The following TSGA10 variants were observed in gnomAD, a reference collection of about 807,000 sequenced individuals.
TSGA10 encodes the protein testis specific 10.
In TSGA10, 43 loss-of-function variants were observed where a neutral mutation model predicts 96.6. That is an observed-to-expected ratio of 0.44 (90% CI 0.35 to 0.57). The LOEUF is 0.57. TSGA10 is among the 20% of genes least tolerant of loss of function. TSGA10 has a pLI of 0.01. For synonymous variants in TSGA10, 229 were observed against 269.9 expected (o/e 0.85, Z 1.48); for missense variants, 703 against 834.4 (o/e 0.84, Z 1.94).
intron 4 of TSGA10, among the ~76,000 whole-genome samples, chr2:99,116,691 G>GA (rs994678800): frequency 1.6e-4 from 23 of 145,450 alleles, no homozygotes; most frequent in African/African-American, 4.8e-4. Context: ...ACATCAGTAA[G>GA]AAAAAAAAAA....
At chr2:99,118,503 G>T in intron 3 of TSGA10, 48 bp downstream of exon 3, 3 of 695,514 alleles carry the variant, frequency 4.3e-6, no homozygotes, top group Non-Finnish European at 5.3e-6. Context: ...ATATATATGT[G>T]TATTATTAAC....
At chr2:99,068,825 A>C (rs1228759507) in intron 15 of TSGA10, 63 bp downstream of exon 15, 1 of 779,048 alleles carries the variant, frequency 1.3e-6, no homozygotes, top group East Asian at 3.0e-5. Flanking sequence ...GAGTATACCA[A>C]CTTCTAAATT....
chr2:99,106,560 A>C (rs959536878), intron 7 of TSGA10, among the ~76,000 whole-genome samples: 1 of 152,110 alleles, frequency 6.6e-6, no homozygotes, highest in Non-Finnish European at 1.5e-5. Context: ...CATTAAAAAA[A>C]AAAAGTCCCA....
At chr2:99,143,970 T>A (rs1244429483) in intron 1 of TSGA10, among the ~76,000 whole-genome samples, 1 of 152,224 alleles carries the variant, frequency 6.6e-6, no homozygotes, top group Non-Finnish European at 1.5e-5. Flanking sequence ...CAATTCCATA[T>A]GTGTTAAGCC....
At chr2:99,064,337 A>G (rs1338086776) in intron 16 of TSGA10, among the ~76,000 whole-genome samples, 3 of 152,236 alleles carry the variant, frequency 2.0e-5, no homozygotes, top group Non-Finnish European at 4.4e-5. Context: ...CACTATATAT[A>G]TATCAAAATA....
chr2:99,133,883 C>A (rs11692669), intron 1 of TSGA10, among the ~76,000 whole-genome samples: 79,146 of 152,040 alleles, frequency 0.52, 22,110 homozygotes, highest in Middle Eastern at 0.7. Flanking sequence ...GTTGAAAATT[C>A]TTTTCTTTAA....
chr2:99,090,089 C>T (rs1454102894), intron 10 of TSGA10, among the ~76,000 whole-genome samples: 1 of 152,206 alleles, frequency 6.6e-6, no homozygotes, highest in East Asian at 1.9e-4. Flanking sequence ...TATCACAGGA[C>T]TCTGTACAAA....
chr2:99,096,420 G>A (rs888843276), intron 10 of TSGA10, among the ~76,000 whole-genome samples: 1 of 152,300 alleles, frequency 6.6e-6, no homozygotes, highest in Non-Finnish European at 1.5e-5. Context: ...CCAATGTCAC[G>A]TCTACTGGGC....
Position 99,110,885 on chromosome 2 carries a change from TA to T in TSGA10, c.-110del. ...CTTTTTATTGTATCTTCCAATACTA[TA>T]ATATTATTTTGCTGGCAAATGAGAT... On this transcript the variant is annotated 5_prime_UTR_variant, in exon 5 of 21. Transcript: ENST00000393483. 1.3e-6 allele frequency: 1 copy of T among 762,366 alleles called. No homozygotes were observed. The highest frequency in any genetic ancestry group is 1.6e-6 in the Non-Finnish European group (1 of 627,104). 47.2% of individuals were successfully genotyped at this position (762,366 alleles called of 1,614,324 possible). A position where few individuals can be genotyped will look rare whatever the true frequency, so the allele number is the denominator to read the frequency against.
chr2:99,023,105 A>T (rs764077911), intron 17 of TSGA10, among the ~76,000 whole-genome samples: 4 of 151,828 alleles, frequency 2.6e-5, no homozygotes, highest in Non-Finnish European at 5.9e-5. Flanking sequence ...ACTGAAGTAA[A>T]CCTCCCACCT....
intron 10 of TSGA10, chr2:99,102,463 T>C: frequency 6.2e-7 from 1 of 1,613,910 alleles, no homozygotes; most frequent in South Asian, 1.1e-5. Context: ...CAGAAATCCT[T>C]GGTAGCCCTT....
At chr2:99,077,028 T>G (rs1388683361) in intron 12 of TSGA10, among the ~76,000 whole-genome samples, 1 of 152,076 alleles carries the variant, frequency 6.6e-6, no homozygotes, top group East Asian at 1.9e-4. Flanking sequence ...AACAACACAT[T>G]GTGCATATGT....
At chr2:99,104,704 A>G (rs561874472) in intron 9 of TSGA10, among the ~76,000 whole-genome samples, 7 of 152,146 alleles carry the variant, frequency 4.6e-5, no homozygotes, top group Non-Finnish European at 8.8e-5. Context: ...CAAACTCCTG[A>G]CCTTAGGTGA....
chr2:99,125,366 T>C (rs369096100), intron 2 of TSGA10: 3 of 152,228 alleles, frequency 2.0e-5, no homozygotes, highest in African/African-American at 4.8e-5. Flanking sequence ...GACCAGTTAC[T>C]TTATTTTTTA....
intron 16 of TSGA10, among the ~76,000 whole-genome samples, chr2:99,054,824 T>G (rs1245017727): frequency 6.6e-6 from 1 of 152,158 alleles, no homozygotes; most frequent in Non-Finnish European, 1.5e-5. Context: ...TCACACCTGT[T>G]GGAATGGCTA....
At chr2:99,112,981 G>A (rs1221812769) in intron 4 of TSGA10, among the ~76,000 whole-genome samples, 1 of 151,256 alleles carries the variant, frequency 6.6e-6, no homozygotes, top group Non-Finnish European at 1.5e-5. Context: ...GACTATCAGA[G>A]ATCCAGTCCA....
chr2:99,138,785 C>T (rs754329021), intron 1 of TSGA10, among the ~76,000 whole-genome samples: 1 of 152,154 alleles, frequency 6.6e-6, no homozygotes, highest in Admixed American at 6.5e-5. Flanking sequence ...CCTTTACAAA[C>T]AATTTCAGGG....
upstream of TSGA10, chr2:99,154,942 CAG>C: frequency 2.2e-6 from 1 of 452,242 alleles, no homozygotes; most frequent in Non-Finnish European, 4.5e-6. Context: ...GGCCGGCCCT[CAG>C]GGGGCGGGGC....
intron 1 of TSGA10, among the ~76,000 whole-genome samples, chr2:99,140,012 G>A (rs1366709044): frequency 6.6e-6 from 1 of 152,118 alleles, no homozygotes; most frequent in African/African-American, 2.4e-5. Context: ...AAAGAAGACA[G>A]AAAAGATCTC....
Sources: allele counts gnomAD v4.1 joint callset (sites outside exome capture counted in the v4.1 genomes callset), GRCh38; gene constraint gnomAD v4.1.1; transcripts MANE v1.5; gene names NCBI Gene and HGNC (gene_info 2026-07-23, HGNC 2026-07-21).